Variants in PLCB1 observed in about 807,000 individuals in gnomAD.
PLCB1 encodes the protein phospholipase C beta 1.
A neutral mutation model predicts 161.8 loss-of-function variants in PLCB1; 46 were observed. The ratio of observed to expected loss-of-function variants is 0.28; its 90% CI spans 0.22 to 0.36. The LOEUF (loss-of-function observed/expected upper bound fraction) is 0.36. Ranked by LOEUF, PLCB1 falls within the 10% of genes least tolerant of loss-of-function variation. PLCB1 has a pLI of 1.00. For missense variants in PLCB1, 1,016 were observed against 1,472.5 expected, an observed-to-expected ratio of 0.69 and a Z score of 5.07; for synonymous variants, 517 against 503.7, an observed-to-expected ratio of 1.03 and a Z score of -0.35.
intron 3 of PLCB1, among the ~76,000 whole-genome samples, chr20:8,468,264 A>G (rs1342955582): frequency 6.6e-6 from 1 of 152,176 alleles, no homozygotes; most frequent in African/African-American, 2.4e-5. Context: ...ATATATAAAT[A>G]TTCATAAAGT....
At position 8,628,307 on chromosome 20, in the gene PLCB1, G is replaced by C; in HGVS notation, c.260G>C (p.Arg87Pro). Reference protein sequence around the residue: ...HAKAPKDPKLRELLDVGNIGR... With the variant: ...HAKAPKDPKLPELLDVGNIGR... ...TTTATTACCCAGGACCCCAAATTAC[G>C]TGAACTTTTGGATGTGGGGAACATC... is the stretch of plus-strand genomic sequence containing the variant. The change falls in exon 4 of 32, where the codon CGT becomes CCT. Residue 87 changes from arginine (R) to proline (P), a missense_variant. Coordinates refer to ENST00000338037, the MANE Select transcript of PLCB1 (RefSeq NM_015192.4). 6.2e-7 allele frequency: 1 copy of C among 1,613,542 alleles called. No individual in the cohort carries two copies. The highest frequency in any genetic ancestry group is 8.5e-7 in the Non-Finnish European group (1 of 1,179,514).
At chr20:8,674,722 A>C (rs1005743251) in intron 9 of PLCB1, among the ~76,000 whole-genome samples, 1 of 152,166 alleles carries the variant, frequency 6.6e-6, no homozygotes, top group Non-Finnish European at 1.5e-5. Context: ...GGTTTCTCCT[A>C]GACTTGAGGA....
chr20:8,840,070 A>G (rs1477988647), intron 31 of PLCB1, among the ~76,000 whole-genome samples: 1 of 151,836 alleles, frequency 6.6e-6, no homozygotes, highest in Non-Finnish European at 1.5e-5. Context: ...ACTCTAACCT[A>G]ATCAGGGCTG....
In PLCB1 at chr20:8,222,700, C is replaced by T. The variant is rs1979476510; in HGVS notation, c.177+72329C>T. Among the ~76,000 whole-genome samples, 10 of 152,232 alleles carry T rather than the reference C, an allele frequency of 6.6e-5. No homozygotes were observed. In the South Asian group the frequency reaches 2.1e-3, roughly 32 times the overall value. ...TTCTCTTCTTTTGGGACTCCAATTA[C>T]ATGCCGTTAGACTTTTTTATGTTGC... is the stretch of plus-strand genomic sequence containing the variant. On this transcript the variant is annotated intron_variant, in intron 2 of 31. Coordinates refer to ENST00000338037, the MANE Select transcript of PLCB1 (RefSeq NM_015192.4).
At chr20:8,613,674 T>C (rs931728362) in intron 3 of PLCB1, among the ~76,000 whole-genome samples, 1 of 152,188 alleles carries the variant, frequency 6.6e-6, no homozygotes. Context: ...AATGATTTTA[T>C]TTTTATATTT....
At chr20:8,236,152 G>A (rs532688513) in intron 2 of PLCB1, among the ~76,000 whole-genome samples, 1 of 152,196 alleles carries the variant, frequency 6.6e-6, no homozygotes, top group South Asian at 2.1e-4. Flanking sequence ...CAAATATAGT[G>A]TAAGACAACT....
intron 3 of PLCB1, among the ~76,000 whole-genome samples, chr20:8,401,555 A>G (rs545151641): frequency 4.5e-4 from 69 of 152,336 alleles, no homozygotes; most frequent in African/African-American, 1.6e-3. Flanking sequence ...CATGATAACA[A>G]ACAACTCCCA....
intron 19 of PLCB1, among the ~76,000 whole-genome samples, chr20:8,734,355 C>T (rs1020052343): frequency 6.6e-6 from 1 of 151,524 alleles, no homozygotes; most frequent in African/African-American, 2.4e-5. Context: ...CTTTTTTTCC[C>T]CGTTTGGTTC....
chr20:8,354,798 A>G (rs1181908047), intron 2 of PLCB1, among the ~76,000 whole-genome samples: 3 of 152,204 alleles, frequency 2.0e-5, no homozygotes, highest in South Asian at 2.1e-4. Flanking sequence ...ATTTCTCACT[A>G]CAGAGCTAAC....
At chr20:8,683,321 T>C (rs988214877) in intron 9 of PLCB1, among the ~76,000 whole-genome samples, 3 of 152,060 alleles carry the variant, frequency 2.0e-5, no homozygotes, top group African/African-American at 7.2e-5. Context: ...ATTTTTTCTC[T>C]CTGTTTATCT....
At chr20:8,495,444 A>G (rs571461931) in intron 3 of PLCB1, among the ~76,000 whole-genome samples, 81 of 124,138 alleles carry the variant, frequency 6.5e-4, no homozygotes, top group African/African-American at 2.6e-3. Flanking sequence ...GTCGCCCAGG[A>G]TGGGGTGCAG....
At position 8,256,135 on chromosome 20, in the gene PLCB1, T is replaced by G. The variant is rs572372261; in HGVS notation, c.177+105764T>G. On this transcript the variant is annotated intron_variant, in intron 2 of 31. Coordinates refer to ENST00000338037, the MANE Select transcript of PLCB1 (RefSeq NM_015192.4). ...AACTAAGGACACATTTCTCAGAAAT[T>G]ATCCCCCTCATTAAGTGATGCATGA... 2.0e-5 allele frequency among the ~76,000 whole-genome samples: 3 copies of G among 152,212 alleles called. No homozygotes were observed. The South Asian group carries it at 6.2e-4, about 32-fold the overall frequency.
At chr20:8,170,489 G>C (rs2051722554) in intron 2 of PLCB1, among the ~76,000 whole-genome samples, 1 of 151,862 alleles carries the variant, frequency 6.6e-6, no homozygotes, top group South Asian at 2.1e-4. Flanking sequence ...TAAATTTTTA[G>C]ATTTGCAAGG....
At chr20:8,367,718 C>A (rs1986759465) in intron 2 of PLCB1, among the ~76,000 whole-genome samples, 2 of 152,116 alleles carry the variant, frequency 1.3e-5, no homozygotes, top group Admixed American at 6.6e-5. Context: ...AGAAAGGGAC[C>A]ATTTCACTGC....
intron 11 of PLCB1, among the ~76,000 whole-genome samples, chr20:8,701,012 G>A (rs367818665): frequency 9.2e-5 from 14 of 152,174 alleles, no homozygotes; most frequent in African/African-American, 2.2e-4. Flanking sequence ...ATTTAAGGAC[G>A]TCTTTGCTCT....
At chr20:8,584,698 C>CTT in intron 3 of PLCB1, among the ~76,000 whole-genome samples, 1 of 149,484 alleles carries the variant, frequency 6.7e-6, no homozygotes. Flanking sequence ...TCAAGATTCT[C>CTT]TTTTTTTTTT....
At chr20:8,542,883 G>A (rs2122963294) in intron 3 of PLCB1, among the ~76,000 whole-genome samples, 1 of 152,262 alleles carries the variant, frequency 6.6e-6, no homozygotes, top group African/African-American at 2.4e-5. Flanking sequence ...AGCCAGCTTT[G>A]TTTCCTTATA....
intron 2 of PLCB1, among the ~76,000 whole-genome samples, chr20:8,219,788 G>A (rs1447909985): frequency 1.3e-5 from 2 of 152,008 alleles, no homozygotes; most frequent in South Asian, 2.1e-4. Context: ...ATTATTAGAG[G>A]GATACATAAG....
Position 8,722,436 on chromosome 20 carries a change from C to T in PLCB1, c.1581+15C>T, listed in dbSNP as rs79284104. The T allele has an allele frequency of 3.9e-3, 6,205 of 1,589,130 alleles. 210 individuals carry two copies. The African/African-American group carries it at 0.073, about 19-fold the overall frequency. On this transcript the variant is annotated intron_variant, in intron 15 of 31. Transcript: ENST00000338037. Reference sequence around the variant, plus strand: ...CAATGGATGAGGTGGGTACTTAGGGCTTCTGGTCCCTAAGGCATTCCACCA... The same window carrying T: ...CAATGGATGAGGTGGGTACTTAGGGTTTCTGGTCCCTAAGGCATTCCACCA...
Sources: gnomAD v4.1 joint callset for allele counts (sites outside exome capture counted in the v4.1 genomes callset) on GRCh38, gnomAD v4.1.1 for gene constraint, MANE v1.5 for transcripts, NCBI Gene and HGNC (gene_info 2026-07-23, HGNC 2026-07-21) for gene names.